The following ACADS variants were observed in gnomAD, a reference collection of about 807,000 sequenced individuals.
ACADS encodes the protein acyl-CoA dehydrogenase short chain, also known as short-chain specific acyl-CoA dehydrogenase, mitochondrial.
ACADS carries 28 observed loss-of-function variants against 46.8 expected under a neutral mutation model. The ratio of observed to expected loss-of-function variants is 0.60; its 90% confidence interval spans 0.44 to 0.82. ACADS has a LOEUF of 0.82. Ranked by LOEUF, ACADS falls within the 40% of genes least tolerant of loss-of-function variation. ACADS has a pLI of 0.00. For synonymous variants in ACADS, 236 were observed against 237.7 expected (o/e 0.99, Z 0.07); for missense variants, 528 against 578.0 (o/e 0.91, Z 0.89).
At position 120,725,874 on chromosome 12, in the gene ACADS, T is replaced by C; in HGVS notation, c.-12T>C. On this transcript the variant is annotated 5_prime_UTR_variant, in exon 1 of 10. Transcript: ENST00000242592. ...CGGGAGGTCGCGAAGCCTGGGACTGTGTCTGTCGCCCATGGCCGCCGCGCT... is the reference window on the plus strand; with the variant it reads ...CGGGAGGTCGCGAAGCCTGGGACTGCGTCTGTCGCCCATGGCCGCCGCGCT... 6.5e-7 allele frequency: 1 copy of C among 1,548,212 alleles called. No individual in the cohort carries two copies. The highest frequency in any genetic ancestry group is 8.7e-7 in the Non-Finnish European group (1 of 1,155,658).
intron 6 of ACADS, 29 bp from the exon 7 acceptor site, chr12:120,738,504 C>T (rs367816265): frequency 1.2e-5 from 20 of 1,605,752 alleles, no homozygotes; most frequent in African/African-American, 1.2e-4. Flanking sequence ...CCCCGGCTGG[C>T]GGGCCACTGA....
At position 120,738,387 on chromosome 12, in the gene ACADS, G is replaced by A. The variant is rs1239139118; in HGVS notation, c.732G>A (p.Glu244=). The A allele has an allele frequency of 4.3e-6, 7 of 1,613,936 alleles. No individual in the cohort carries two copies. The highest frequency in any genetic ancestry group is 5.1e-6 in the Non-Finnish European group (6 of 1,180,030). ...CATCCACGGCCAACCTCATCTTTGA[G>A]GACTGTCGCATCCCCAAGGACAGCA... ...RGSSTANLIF[E]DCRIPKDSIL... The change falls in exon 6 of 10, where the codon GAG becomes GAA. Residue 244 remains glutamate (E), a synonymous_variant. Transcript: ENST00000242592.
Position 120,737,055 on chromosome 12 carries a change from G to C in ACADS, c.280G>C (p.Asp94His), listed in dbSNP as rs772604031. Residue 94 changes from aspartate to histidine, a missense_variant, in exon 3 of 10, where the codon GAT becomes CAT. Asp to His is a moderately conservative substitution (Grantham distance 81). Transcript: ENST00000242592. ...VPEELGGAGL[D>H]YLAYAIAMEE... is the part of the protein sequence containing the mutation. Reference sequence around the variant, plus strand: ...CGAGGAGCTTGGCGGTGCTGGCCTCGATTACCTGGCCTACGCCATCGCCAT... The same window carrying C: ...CGAGGAGCTTGGCGGTGCTGGCCTCCATTACCTGGCCTACGCCATCGCCAT... 15 of 1,607,068 alleles carry C rather than the reference G, an allele frequency of 9.3e-6. No homozygotes were observed. In the Admixed American group the frequency reaches 1.0e-4, roughly 11 times the overall value.
Position 120,739,337 on chromosome 12 carries a change from G to A in ACADS, c.1128G>A (p.Met376Ile), listed in dbSNP as rs1368965685. The A allele has an allele frequency of 6.2e-7, 1 of 1,613,014 alleles. No homozygotes were observed. The highest frequency in any genetic ancestry group is 1.1e-5 in the South Asian group (1 of 91,082). The change falls in exon 10 of 10, where the codon ATG becomes ATA. Residue 376 changes from methionine to isoleucine, a missense_variant. Physicochemically the swap from Met to Ile is conservative, Grantham distance 10. Coordinates refer to ENST00000242592, the MANE Select transcript of ACADS (RefSeq NM_000017.4). The stretch of plus-strand genomic sequence containing the variant: ...GCGGCATGGGCTACGTGACAGAGAT[G>A]CCGGCAGAGCGGCACTACCGCGACG... ...ILGGMGYVTE[M>I]PAERHYRDAR... is the part of the protein sequence containing the mutation.
At chr12:120,736,900 C>A (rs1883458162) in intron 2 of ACADS, 86 bp from the exon 3 acceptor site, 1 of 1,478,776 alleles carries the variant, frequency 6.8e-7, no homozygotes, top group South Asian at 1.3e-5. Context: ...CAGGGCACTG[C>A]CTCGGGGGCA....
chr12:120,736,908 G>A, intron 2 of ACADS, 78 bp from the exon 3 acceptor site: 1 of 1,493,196 alleles, frequency 6.7e-7, no homozygotes, highest in Non-Finnish European at 8.9e-7. Context: ...TGCCTCGGGG[G>A]CAGGAGGGTT....
Position 120,739,900 on chromosome 12 carries a change from C to T in ACADS, c.*452C>T. 5.1e-6 allele frequency: 1 copy of T among 197,320 alleles called. No individual in the cohort carries two copies. 12.2% of individuals were successfully genotyped at this position (197,320 alleles called of 1,614,324 possible). On this transcript the variant is annotated 3_prime_UTR_variant, in exon 10 of 10. Coordinates refer to ENST00000242592, the MANE Select transcript of ACADS (RefSeq NM_000017.4). ...TGTTGGGCAGGTGGTGGGGCTGGGC[C>T]ATGGAGCTGGCCCAGAGGCCCCTCA...
In ACADS at chr12:120,739,611, G is replaced by A. The variant is rs936053969; in HGVS notation, c.*163G>A. The A allele has an allele frequency of 7.4e-5, 58 of 782,590 alleles. No homozygotes were observed. The Admixed American group carries it at 1.1e-3, about 15-fold the overall frequency. The allele number at this position is 782,590 out of a possible 1,614,324, so 48.5% of individuals were successfully genotyped here. On this transcript the variant is annotated 3_prime_UTR_variant, in exon 10 of 10. Coordinates refer to ENST00000242592, the MANE Select transcript of ACADS (RefSeq NM_000017.4). ...AGATCACATGGGAATGAGGCCCTCC[G>A]ACCATTGGCAGCTCCGCCTCTGGGC...
intron 2 of ACADS, among the ~76,000 whole-genome samples, chr12:120,729,828 T>C (rs892752940): frequency 3.3e-5 from 5 of 152,148 alleles, no homozygotes; most frequent in Non-Finnish European, 5.9e-5. Flanking sequence ...GAGGTGACTG[T>C]GTCCAGGCTC....
At chr12:120,731,648 A>T (rs554099154) in intron 2 of ACADS, among the ~76,000 whole-genome samples, 26 of 151,380 alleles carry the variant, frequency 1.7e-4, no homozygotes, top group African/African-American at 4.6e-4. Flanking sequence ...ATTTTATTTT[A>T]TTTTTTTTAT....
chr12:120,726,906 C>T, intron 1 of ACADS, 120 bp from the exon 2 acceptor site: 2 of 1,131,528 alleles, frequency 1.8e-6, no homozygotes, highest in Non-Finnish European at 2.7e-6. Context: ...CTAGAACTGG[C>T]TCCAGACATT....
At chr12:120,735,038 G>A (rs942805540) in intron 2 of ACADS, among the ~76,000 whole-genome samples, 3 of 151,644 alleles carry the variant, frequency 2.0e-5, no homozygotes, top group African/African-American at 7.2e-5. Flanking sequence ...TTGGGAGGCT[G>A]AGGCAGGCGC....
intron 3 of ACADS, 62 bp downstream of exon 3, chr12:120,737,197 G>A: frequency 1.3e-6 from 2 of 1,549,032 alleles, no homozygotes; most frequent in South Asian, 1.2e-5. Context: ...GAGCGGGCAG[G>A]CTCTGGCCTC....
rs781135372 is a variant in ACADS at position 120,737,833 on chromosome 12, G to A, written c.473-4G>A. ...TGCGCTGAGCCCTGGGTCTGTGTGG[G>A]CAGGGAACGGCAGTGATGCAGGAGC... is the stretch of plus-strand genomic sequence containing the variant. On this transcript the variant is annotated splice_region_variant and splice_polypyrimidine_tract_variant and intron_variant, in intron 4 of 9. Coordinates refer to ENST00000242592, the MANE Select transcript of ACADS (RefSeq NM_000017.4). 3.7e-6 allele frequency: 6 copies of A among 1,613,866 alleles called. No homozygotes were observed. Among genetic ancestry groups the A allele is most frequent in the Non-Finnish European group, 5.1e-6 (6 of 1,179,926 alleles).
In ACADS at chr12:120,738,374, A is replaced by G; in HGVS notation, c.719A>G (p.Asn240Ser). 6.2e-7 allele frequency: 1 copy of G among 1,614,100 alleles called. No homozygotes were observed. Among genetic ancestry groups the G allele is most frequent in the Non-Finnish European group, 8.5e-7 (1 of 1,180,034 alleles). ...GGCATCCGGGGCTCATCCACGGCCA[A>G]CCTCATCTTTGAGGACTGTCGCATC... The part of the protein sequence containing the change: ...KLGIRGSSTA[N>S]LIFEDCRIPK... Residue 240 changes from asparagine to serine, a missense_variant, in exon 6 of 10, where the codon AAC becomes AGC. Coordinates refer to ENST00000242592, the MANE Select transcript of ACADS (RefSeq NM_000017.4).
At chr12:120,736,961 G>T in intron 2 of ACADS, 25 bp from the exon 3 acceptor site, 4 of 1,581,574 alleles carry the variant, frequency 2.5e-6, no homozygotes, top group Non-Finnish European at 3.4e-6. Flanking sequence ...GCTGCCCATG[G>T]CGTGCCGTCC....
intron 2 of ACADS, among the ~76,000 whole-genome samples, chr12:120,733,041 G>A (rs1030592131): frequency 2.6e-5 from 4 of 152,324 alleles, no homozygotes; most frequent in South Asian, 4.1e-4. Context: ...CCAACACAGC[G>A]AAACCCCGTC....
In ACADS at chr12:120,739,873, G is replaced by C. The variant is rs1763177739; in HGVS notation, c.*425G>C. On this transcript the variant is annotated 3_prime_UTR_variant, in exon 10 of 10. Transcript: ENST00000242592. ...TCAGGATGACGAGGCCTGGGGTCCT[G>C]GTGTTGGGCAGGTGGTGGGGCTGGG... The C allele has an allele frequency of 4.6e-6, 1 of 215,634 alleles. No individual in the cohort carries two copies. The highest frequency in any genetic ancestry group is 9.4e-6 in the Non-Finnish European group (1 of 106,072). 13.4% of individuals were successfully genotyped at this position (215,634 alleles called of 1,614,324 possible).
chr12:120,737,579 T>G, intron 4 of ACADS, 112 bp downstream of exon 4: 1 of 1,165,428 alleles, frequency 8.6e-7, no homozygotes, highest in Non-Finnish European at 1.2e-6. Context: ...AGGCTCCCCG[T>G]GTGGTTGGTA....
Sources: allele counts gnomAD v4.1 joint callset (sites outside exome capture counted in the v4.1 genomes callset), GRCh38; gene constraint gnomAD v4.1.1; transcripts MANE v1.5; gene names NCBI Gene and HGNC (gene_info 2026-07-23, HGNC 2026-07-21).